WASL: variants seen among roughly 807,000 people sequenced by gnomAD.
WASL encodes actin nucleation-promoting factor WASL.
A neutral mutation model predicts 55.5 loss-of-function variants in WASL; 20 were observed. That is an observed-to-expected ratio of 0.36 (90% confidence interval 0.25 to 0.52). The LOEUF is 0.52. Among genes scored for constraint, WASL ranks in the 20% least tolerant of loss-of-function variants. The pLI is 0.92. For missense variants in WASL, 504 were observed against 622.5 expected, an observed-to-expected ratio of 0.81 and a Z score of 2.03; for synonymous variants, 249 against 217.6, an observed-to-expected ratio of 1.14 and a Z score of -1.27.
At chr7:123,710,016 G>A (rs1310130482) in intron 1 of WASL, among the ~76,000 whole-genome samples, 2 of 152,082 alleles carry the variant, frequency 1.3e-5, no homozygotes, top group Admixed American at 1.3e-4. Context: ...CAGGGCATTA[G>A]GATTTTCCAG....
At chr7:123,729,667 G>T (rs911058954) in intron 1 of WASL, among the ~76,000 whole-genome samples, 1 of 152,076 alleles carries the variant, frequency 6.6e-6, no homozygotes, top group Non-Finnish European at 1.5e-5. Flanking sequence ...CTACAGATAC[G>T]TATGTGGGTG....
rs1419136435 is a variant in WASL, at chr7:123,683,679, A to G, written c.*840T>C. 2.0e-5 allele frequency: 3 copies of G among 151,966 alleles called. No individual in the cohort carries two copies. Among genetic ancestry groups the G allele is most frequent in the Non-Finnish European group, 2.9e-5 (2 of 67,948 alleles). 9.4% of individuals were successfully genotyped at this position (151,966 alleles called of 1,614,324 possible). A position where few individuals can be genotyped will look rare whatever the true frequency, so the allele number is the denominator to read the frequency against. ...TTTTTAACCAAATATTGGAGTTACC[A>G]TAATATTACCTCAGTTCATGTAGAA... On this transcript the variant is annotated 3_prime_UTR_variant, in exon 11 of 11. Transcript: ENST00000223023.
At chr7:123,693,724 G>C (rs1186109824) in intron 8 of WASL, among the ~76,000 whole-genome samples, 2 of 152,198 alleles carry the variant, frequency 1.3e-5, no homozygotes, top group East Asian at 1.9e-4. Flanking sequence ...CCAGCACTTT[G>C]GGAGGCCAAA....
chr7:123,720,280 A>G (rs975939230), intron 1 of WASL: 10 of 425,502 alleles, frequency 2.4e-5, no homozygotes, highest in African/African-American at 2.1e-4. Flanking sequence ...TTGGTCATCA[A>G]GAAAAATACA....
intron 5 of WASL, among the ~76,000 whole-genome samples, chr7:123,699,548 T>C (rs547575929): frequency 3.9e-5 from 6 of 152,302 alleles, no homozygotes; most frequent in Middle Eastern, 6.8e-3. Context: ...CCATCTATTA[T>C]ACTATAGATG....
Position 123,682,948 on chromosome 7 carries a change from T to A in WASL, c.*1571A>T, listed in dbSNP as rs1464435032. The A allele has an allele frequency of 6.6e-6, 1 of 152,130 alleles. No homozygotes were observed. Among genetic ancestry groups the A allele is most frequent in the Non-Finnish European group, 1.5e-5 (1 of 67,986 alleles). 9.4% of individuals were successfully genotyped at this position (152,130 alleles called of 1,614,324 possible). ...TATTTTACTGCACCACTTACTGCTT[T>A]CAGCAACAAAACCTTTTAAATTATT... On this transcript the variant is annotated 3_prime_UTR_variant, in exon 11 of 11. Transcript: ENST00000223023.
intron 7 of WASL, 107 bp from the exon 8 acceptor site, chr7:123,694,975 C>A (rs967342930): frequency 2.0e-5 from 23 of 1,142,718 alleles, no homozygotes; most frequent in Non-Finnish European, 2.9e-5. Flanking sequence ...AAACTTTTAA[C>A]ATGCTTATAT....
chr7:123,748,995 G>T lies in WASL; in HGVS notation c.-261C>A. On this transcript the variant is annotated 5_prime_UTR_variant, in exon 1 of 11. Transcript: ENST00000223023. ...CGGATGGTCGTTGTCCTCGCACTCC[G>T]GCGACTGCGCTAAACTCCCAACTCC... 1 of 499,334 alleles carries T rather than the reference G, an allele frequency of 2.0e-6. No homozygotes were observed. The highest frequency in any genetic ancestry group is 3.1e-5 in the South Asian group (1 of 32,630). 30.9% of individuals were successfully genotyped at this position (499,334 alleles called of 1,614,324 possible). A position where few individuals can be genotyped will look rare whatever the true frequency, so the allele number is the denominator to read the frequency against.
intron 5 of WASL, among the ~76,000 whole-genome samples, chr7:123,699,923 T>C (rs1238949676): frequency 6.6e-6 from 1 of 152,074 alleles, no homozygotes; most frequent in Non-Finnish European, 1.5e-5. Context: ...ACGCCTGTAA[T>C]CCCAGCACTT....
chr7:123,687,038 A>G (rs1286607586), intron 10 of WASL, among the ~76,000 whole-genome samples: 1 of 151,902 alleles, frequency 6.6e-6, no homozygotes, highest in Non-Finnish European at 1.5e-5. Context: ...GTAAAATCAA[A>G]CTCCTAATCT....
intron 1 of WASL, among the ~76,000 whole-genome samples, chr7:123,735,853 G>A (rs4727975): frequency 0.3 from 45,083 of 151,800 alleles, 7,348 homozygotes; most frequent in African/African-American, 0.42. Context: ...TATCTGAAAC[G>A]CAGGGCCAGG....
At chr7:123,700,876 T>C (rs1803578430) in intron 5 of WASL, among the ~76,000 whole-genome samples, 1 of 152,258 alleles carries the variant, frequency 6.6e-6, no homozygotes, top group African/African-American at 2.4e-5. Context: ...CAAGTCATTA[T>C]TCAACAAATA....
At position 123,683,421 on chromosome 7, in the gene WASL, C is replaced by T. The variant is rs1211551656; in HGVS notation, c.*1098G>A. 2.0e-5 allele frequency: 3 copies of T among 151,802 alleles called. No homozygotes were observed. The highest frequency in any genetic ancestry group is 4.4e-5 in the Non-Finnish European group (3 of 67,878). 9.4% of individuals were successfully genotyped at this position (151,802 alleles called of 1,614,324 possible). A position where few individuals can be genotyped will look rare whatever the true frequency, so the allele number is the denominator to read the frequency against. Reference sequence around the variant, plus strand: ...CAGTTATCTGTTCCAAGAACTCTGACATTGGGACCACCAATCTTTTAAGAA... The same window carrying T: ...CAGTTATCTGTTCCAAGAACTCTGATATTGGGACCACCAATCTTTTAAGAA... On this transcript the variant is annotated 3_prime_UTR_variant, in exon 11 of 11. Coordinates refer to ENST00000223023, the MANE Select transcript of WASL (RefSeq NM_003941.4).
At chr7:123,707,336 A>T (rs1298625125) in intron 2 of WASL, among the ~76,000 whole-genome samples, 3 of 152,186 alleles carry the variant, frequency 2.0e-5, no homozygotes, top group Admixed American at 2.0e-4. Context: ...CCATCTTCAA[A>T]TTCTTAACTT....
At chr7:123,748,088 C>T (rs1304543222) in intron 1 of WASL, among the ~76,000 whole-genome samples, 7 of 152,002 alleles carry the variant, frequency 4.6e-5, no homozygotes, top group Admixed American at 3.3e-4. Flanking sequence ...TTTCTTGCAC[C>T]CTCTCTAATC....
rs768816037 is a variant in WASL, at chr7:123,704,615, T to A, written c.460+19A>T. ...GTCATCTAAAATCTTAAAAGATTAA[T>A]AATTGTCAAAAAGCTTACCATTTGG... On this transcript the variant is annotated intron_variant, in intron 5 of 10. Coordinates refer to ENST00000223023, the MANE Select transcript of WASL (RefSeq NM_003941.4). 11 of 1,509,670 alleles carry A rather than the reference T, an allele frequency of 7.3e-6. No homozygotes were observed. In the African/African-American group the frequency reaches 1.5e-4, roughly 21 times the overall value. 93.5% of individuals were successfully genotyped at this position (1,509,670 alleles called of 1,614,324 possible). A position where few individuals can be genotyped will look rare whatever the true frequency, so the allele number is the denominator to read the frequency against.
chr7:123,710,122 T>C (rs1803731995), intron 1 of WASL, among the ~76,000 whole-genome samples: 1 of 152,108 alleles, frequency 6.6e-6, no homozygotes, highest in Non-Finnish European at 1.5e-5. Flanking sequence ...AGAATGTAAC[T>C]ATTCAACCTT....
chr7:123,727,765 C>T (rs956453268), intron 1 of WASL, among the ~76,000 whole-genome samples: 6 of 152,068 alleles, frequency 3.9e-5, no homozygotes, highest in Non-Finnish European at 8.8e-5. Context: ...TATCATTTGT[C>T]AAAATTCATC....
At chr7:123,726,419 T>G (rs1804040240) in intron 1 of WASL, among the ~76,000 whole-genome samples, 1 of 151,682 alleles carries the variant, frequency 6.6e-6, no homozygotes, top group Non-Finnish European at 1.5e-5. Context: ...ATCACAAAGC[T>G]CCTAGAAGCA....
Sources: gnomAD v4.1 joint callset for allele counts (sites outside exome capture counted in the v4.1 genomes callset) on GRCh38, gnomAD v4.1.1 for gene constraint, MANE v1.5 for transcripts, NCBI Gene and HGNC (gene_info 2026-07-23, HGNC 2026-07-21) for gene names.